LHFPL3: variants seen among roughly 807,000 people sequenced by gnomAD.
The protein encoded by LHFPL3 is LHFPL tetraspan subfamily member 3.
In LHFPL3, 5 loss-of-function variants were observed where a neutral mutation model predicts 19.3. The observed-to-expected ratio is 0.26, with a 90% CI of 0.14 to 0.54. The LOEUF (loss-of-function observed/expected upper bound fraction) is 0.54, where lower values mean the gene tolerates loss of function less well. Ranked by LOEUF, LHFPL3 falls within the 20% of genes least tolerant of loss-of-function variation. LHFPL3 has a pLI of 0.94. For missense variants in LHFPL3, 249 were observed against 307.4 expected, an observed-to-expected ratio of 0.81 and a Z score of 1.42; for synonymous variants, 133 against 126.2, an observed-to-expected ratio of 1.05 and a Z score of -0.36.
At chr7:104,869,121 C>G (rs1002610327) in intron 2 of LHFPL3, among the ~76,000 whole-genome samples, 16 of 152,138 alleles carry the variant, frequency 1.1e-4, no homozygotes, top group African/African-American at 3.9e-4. Flanking sequence ...ACCATAAAAA[C>G]CCTAGAAGAA....
intron 2 of LHFPL3, among the ~76,000 whole-genome samples, chr7:104,816,962 TCTGAA>T (rs1475444881): frequency 2.6e-5 from 4 of 152,226 alleles, no homozygotes; most frequent in Non-Finnish European, 5.9e-5. Context: ...CACCTTAACT[TCTGAA>T]CTGCTAGCTC....
chr7:104,883,073 T>C (rs1392860193), intron 2 of LHFPL3, among the ~76,000 whole-genome samples: 1 of 152,216 alleles, frequency 6.6e-6, no homozygotes, highest in Non-Finnish European at 1.5e-5. Flanking sequence ...ATTTGCTAAA[T>C]CTGGCAACTC....
At chr7:104,697,453 A>G (rs1033268048) in intron 1 of LHFPL3, among the ~76,000 whole-genome samples, 17 of 152,240 alleles carry the variant, frequency 1.1e-4, no homozygotes, top group Non-Finnish European at 2.5e-4. Context: ...AATATGCTGT[A>G]TGAGTGTATT....
In LHFPL3 at chr7:104,718,390, A is replaced by C. The variant is rs920513567; in HGVS notation, c.446-18285A>C. ...GCTAGAAATGGATACTCTATTTCCAAACGGGTCTTTTGGGCTTAGAAATGC... is the reference window on the plus strand; with the variant it reads ...GCTAGAAATGGATACTCTATTTCCACACGGGTCTTTTGGGCTTAGAAATGC... On this transcript the variant is annotated intron_variant, in intron 1 of 2. Coordinates refer to ENST00000424859, the MANE Select transcript of LHFPL3 (RefSeq NM_199000.3). 3.9e-5 allele frequency among the ~76,000 whole-genome samples: 6 copies of C among 152,208 alleles called. 1 individual carries two copies. Among genetic ancestry groups the C allele is most frequent in the African/African-American group, 1.4e-4 (6 of 41,462 alleles).
At chr7:104,585,480 A>ACACACACACACACACACAC (rs1790551501) in intron 1 of LHFPL3, among the ~76,000 whole-genome samples, 14 of 123,458 alleles carry the variant, frequency 1.1e-4, no homozygotes, top group South Asian at 6.0e-4. Context: ...AACACACACA[A>ACACACACACACACACACAC]ACACACACAC....
At chr7:104,802,082 C>A (rs1301277125) in intron 2 of LHFPL3, among the ~76,000 whole-genome samples, 1 of 152,100 alleles carries the variant, frequency 6.6e-6, no homozygotes, top group Non-Finnish European at 1.5e-5. Context: ...GCTGTCTCCC[C>A]AAAATTTTTG....
chr7:104,648,449 G>A (rs868416276), intron 1 of LHFPL3, among the ~76,000 whole-genome samples: 3 of 152,162 alleles, frequency 2.0e-5, no homozygotes, highest in African/African-American at 7.2e-5. Context: ...TCAATGAAAT[G>A]TCTTTCCATT....
intron 1 of LHFPL3, among the ~76,000 whole-genome samples, chr7:104,566,794 A>G (rs1214043129): frequency 1.3e-5 from 2 of 152,150 alleles, no homozygotes; most frequent in East Asian, 3.8e-4. Flanking sequence ...TGTGCCATTC[A>G]TTTCTCTGTT....
intron 1 of LHFPL3, among the ~76,000 whole-genome samples, chr7:104,602,503 T>C (rs1237156719): frequency 2.0e-5 from 3 of 152,236 alleles, no homozygotes; most frequent in African/African-American, 4.8e-5. Context: ...TGTATGTCCA[T>C]GTCCTGTAAC....
chr7:104,768,974 TGCAGTTGC>T (rs763680053), intron 2 of LHFPL3: 8 of 152,260 alleles, frequency 5.3e-5, no homozygotes, highest in Non-Finnish European at 1.2e-4. Flanking sequence ...AGCTGTTGAC[TGCAGTTGC>T]TATTCAGTAG....
At chr7:104,503,771 G>A (rs1793646637) in intron 1 of LHFPL3, among the ~76,000 whole-genome samples, 1 of 151,958 alleles carries the variant, frequency 6.6e-6, no homozygotes, top group African/African-American at 2.4e-5. Context: ...GGTTTTGCCA[G>A]ATTGCCTAGG....
chr7:104,507,799 G>C (rs1346953866), intron 1 of LHFPL3, among the ~76,000 whole-genome samples: 1 of 126,180 alleles, frequency 7.9e-6, no homozygotes, highest in Non-Finnish European at 1.7e-5. Flanking sequence ...GTGGGTGAAG[G>C]ACATGAACAG....
At chr7:104,894,612 C>T (rs979272049) in intron 2 of LHFPL3, 2 of 152,138 alleles carry the variant, frequency 1.3e-5, no homozygotes, top group Admixed American at 6.5e-5. Context: ...TTCTTAAGTC[C>T]AAACAAGCAC....
At chr7:104,763,223 G>T (rs1794405660) in intron 2 of LHFPL3, among the ~76,000 whole-genome samples, 1 of 152,290 alleles carries the variant, frequency 6.6e-6, no homozygotes, top group African/African-American at 2.4e-5. Context: ...CACTGTAAAG[G>T]TCACAATGTC....
At chr7:104,357,019 G>GC (rs1790291525) in intron 1 of LHFPL3, among the ~76,000 whole-genome samples, 1 of 122,486 alleles carries the variant, frequency 8.2e-6, no homozygotes, top group Non-Finnish European at 1.7e-5. Context: ...TGGGGACTTG[G>GC]GGTCCCCAAA....
intron 2 of LHFPL3, chr7:104,744,290 C>T (rs1793999041): frequency 6.6e-6 from 1 of 152,102 alleles, no homozygotes; most frequent in African/African-American, 2.4e-5. Context: ...GAAAGCTATA[C>T]TCTTACTTGG....
chr7:104,711,249 T>C (rs1462498062), intron 1 of LHFPL3, among the ~76,000 whole-genome samples: 1 of 152,230 alleles, frequency 6.6e-6, no homozygotes, highest in East Asian at 1.9e-4. Flanking sequence ...ACAACCTCTA[T>C]AGAACTGGAG....
intron 1 of LHFPL3, chr7:104,668,521 G>A (rs1792405459): frequency 6.2e-6 from 10 of 1,613,114 alleles, no homozygotes; most frequent in African/African-American, 2.7e-5. Context: ...GATGACCGAG[G>A]CAGCAGAGAC....
chr7:104,696,029 C>T (rs576368992), intron 1 of LHFPL3, among the ~76,000 whole-genome samples: 1 of 152,340 alleles, frequency 6.6e-6, no homozygotes, highest in African/African-American at 2.4e-5. Context: ...TGGCTCACTG[C>T]AACCTCCGCC....
Sources: gnomAD v4.1 joint callset for allele counts (sites outside exome capture counted in the v4.1 genomes callset) on GRCh38, gnomAD v4.1.1 for gene constraint, MANE v1.5 for transcripts, NCBI Gene and HGNC (gene_info 2026-07-23, HGNC 2026-07-21) for gene names.